Variants in KAZN observed in about 807,000 individuals in gnomAD.
KAZN encodes the protein kazrin, periplakin interacting protein.
Under a neutral mutation model 87.4 loss-of-function variants are expected in KAZN, and 40 were observed. The observed-to-expected ratio is 0.46, with a 90% CI of 0.36 to 0.60. The LOEUF is 0.60. KAZN is among the 20% of genes least tolerant of loss of function. The pLI is 0.00. For missense variants in KAZN, 898 were observed against 1,073.9 expected (o/e 0.84, Z 2.29); for synonymous variants, 466 against 458.3 (o/e 1.02, Z -0.22).
intron 1 of KAZN, among the ~76,000 whole-genome samples, chr1:14,878,837 G>A (rs1290355052): frequency 6.6e-6 from 1 of 152,178 alleles, no homozygotes; most frequent in Non-Finnish European, 1.5e-5. Context: ...ACTGGGAATA[G>A]GAAAGTCCAT....
chr1:13,998,405 C>T (rs188551643), intron 1 of KAZN, among the ~76,000 whole-genome samples: 3 of 152,244 alleles, frequency 2.0e-5, no homozygotes, highest in Admixed American at 2.0e-4. Context: ...GGGCTAAATG[C>T]CCCATTTGAA....
intron 2 of KAZN, among the ~76,000 whole-genome samples, chr1:14,383,563 T>C (rs2101057672): frequency 6.6e-6 from 1 of 151,780 alleles, no homozygotes; most frequent in Non-Finnish European, 1.5e-5. Context: ...CACCATTTAT[T>C]AAATAGGGAA....
intron 1 of KAZN, among the ~76,000 whole-genome samples, chr1:14,063,097 G>T (rs148242400): frequency 6.6e-6 from 1 of 152,182 alleles, no homozygotes; most frequent in African/African-American, 2.4e-5. Flanking sequence ...GTGAATTAAT[G>T]GTGCTATATT....
intron 1 of KAZN, among the ~76,000 whole-genome samples, chr1:14,760,060 C>T (rs565371311): frequency 2.6e-5 from 4 of 152,130 alleles, no homozygotes; most frequent in East Asian, 1.9e-4. Context: ...GGACACACCC[C>T]GAGGTGTAAC....
At chr1:14,455,053 C>A (rs1357428638) in intron 2 of KAZN, among the ~76,000 whole-genome samples, 2 of 112,220 alleles carry the variant, frequency 1.8e-5, no homozygotes, top group Middle Eastern at 0.011. Flanking sequence ...AATGAGCTTC[C>A]CCAGAGAAAG....
At chr1:14,055,104 C>T (rs1642495309) in intron 1 of KAZN, among the ~76,000 whole-genome samples, 1 of 152,124 alleles carries the variant, frequency 6.6e-6, no homozygotes, top group African/African-American at 2.4e-5. Context: ...AGGAAGGAGA[C>T]CTGTCTTTGG....
intron 3 of KAZN, among the ~76,000 whole-genome samples, chr1:15,039,196 T>C (rs1672657370): frequency 6.6e-6 from 1 of 152,030 alleles, no homozygotes; most frequent in Non-Finnish European, 1.5e-5. Context: ...GCTATTTTAA[T>C]AGCAATCCTT....
intron 2 of KAZN, among the ~76,000 whole-genome samples, chr1:14,995,070 G>T (rs1158630843): frequency 1.3e-5 from 2 of 152,228 alleles, no homozygotes; most frequent in Admixed American, 6.5e-5. Context: ...CGCTGGGAAG[G>T]TTGGCTGGCC....
intron 1 of KAZN, among the ~76,000 whole-genome samples, chr1:14,656,570 T>C (rs1638805319): frequency 6.6e-6 from 1 of 152,208 alleles, no homozygotes; most frequent in Admixed American, 6.5e-5. Flanking sequence ...AGAGGTTTAA[T>C]TGACTCACAG....
At chr1:13,988,994 G>A (rs1639154065) in intron 1 of KAZN, among the ~76,000 whole-genome samples, 1 of 152,058 alleles carries the variant, frequency 6.6e-6, no homozygotes, top group Non-Finnish European at 1.5e-5. Flanking sequence ...TTGGCTTACA[G>A]TTACAGAGGC....
intron 1 of KAZN, among the ~76,000 whole-genome samples, chr1:13,941,561 G>A (rs953135466): frequency 2.6e-5 from 4 of 152,126 alleles, no homozygotes; most frequent in African/African-American, 9.7e-5. Context: ...TGGGATTGGT[G>A]GATTCTGTCC....
intron 2 of KAZN, among the ~76,000 whole-genome samples, chr1:14,563,159 G>A (rs1674352237): frequency 6.6e-6 from 1 of 152,156 alleles, no homozygotes; most frequent in Non-Finnish European, 1.5e-5. Context: ...CAAGCACCAA[G>A]GCCTCCAACC....
At chr1:14,466,492 C>G (rs957310944) in intron 2 of KAZN, among the ~76,000 whole-genome samples, 2 of 151,916 alleles carry the variant, frequency 1.3e-5, no homozygotes, top group African/African-American at 4.8e-5. Flanking sequence ...TGGGGCCTCT[C>G]AGGGAGTGGG....
chr1:14,233,022 A>G (rs142768029), intron 2 of KAZN, among the ~76,000 whole-genome samples: 6 of 152,374 alleles, frequency 3.9e-5, no homozygotes, highest in Non-Finnish European at 1.5e-5. Context: ...ATCATCAAAT[A>G]GTGAAATGAG....
chr1:14,760,616 A>G (rs1644713734), intron 1 of KAZN, among the ~76,000 whole-genome samples: 1 of 152,128 alleles, frequency 6.6e-6, no homozygotes, highest in Non-Finnish European at 1.5e-5. Flanking sequence ...AAACATATCA[A>G]TCCAATATGT....
At chr1:14,424,607 C>T (rs956627351) in intron 2 of KAZN, among the ~76,000 whole-genome samples, 1 of 152,202 alleles carries the variant, frequency 6.6e-6, no homozygotes, top group Non-Finnish European at 1.5e-5. Flanking sequence ...ACTTGCCCCA[C>T]ACACCATCGT....
intron 2 of KAZN, among the ~76,000 whole-genome samples, chr1:14,408,585 T>C (rs779493703): frequency 2.0e-5 from 3 of 152,194 alleles, no homozygotes; most frequent in Admixed American, 6.5e-5. Flanking sequence ...GTCTCAACTG[T>C]GTCCTCATAC....
intron 1 of KAZN, among the ~76,000 whole-genome samples, chr1:14,008,511 T>A (rs1640136171): frequency 1.3e-5 from 2 of 152,216 alleles, no homozygotes; most frequent in South Asian, 4.1e-4. Context: ...AGTAAGAAAC[T>A]AATGTGTGTC....
intron 1 of KAZN, among the ~76,000 whole-genome samples, chr1:14,673,113 G>A (rs1215227306): frequency 6.6e-6 from 1 of 152,210 alleles, no homozygotes; most frequent in East Asian, 1.9e-4. Flanking sequence ...GCCTAGGAAG[G>A]CCTTACCTTG....
Sources: allele counts gnomAD v4.1 joint callset (sites outside exome capture counted in the v4.1 genomes callset), GRCh38; gene constraint gnomAD v4.1.1; transcripts MANE v1.5; gene names NCBI Gene and HGNC (gene_info 2026-07-23, HGNC 2026-07-21).